CTSB: variants seen among roughly 807,000 people sequenced by gnomAD.
CTSB encodes the protein APP secretase.
In CTSB, 57 loss-of-function variants were observed where a neutral mutation model predicts 44.3. That is an observed-to-expected ratio of 1.29 (90% CI 1.04 to 1.60). The LOEUF (loss-of-function observed/expected upper bound fraction) is 1.60. Among genes scored for constraint, CTSB ranks in the 40% most tolerant of loss-of-function variants. CTSB has a pLI of 0.00. For synonymous variants in CTSB, 320 were observed against 168.0 expected, an observed-to-expected ratio of 1.91 and a Z score of -7.00; for missense variants, 768 against 443.0, an observed-to-expected ratio of 1.73 and a Z score of -6.59.
Position 11,843,758 on chromosome 8 carries a change from C to T in CTSB, c.*1367G>A, listed in dbSNP as rs1376213096. The T allele has an allele frequency of 1.3e-5, 2 of 152,214 alleles. No homozygotes were observed. The highest frequency in any genetic ancestry group is 2.9e-5 in the Non-Finnish European group (2 of 68,062). 9.4% of individuals were successfully genotyped at this position (152,214 alleles called of 1,614,324 possible). A position where few individuals can be genotyped will look rare whatever the true frequency, so the allele number is the denominator to read the frequency against. On this transcript the variant is annotated 3_prime_UTR_variant, in exon 10 of 10. Transcript: ENST00000353047. ...GCTGATAAAAAATACAGGCAGGGCC[C>T]AGTGGCTCACGCCTGTAATCCCAAC...
At chr8:11,858,295 G>GT (rs927307247) in intron 1 of CTSB, among the ~76,000 whole-genome samples, 5 of 151,924 alleles carry the variant, frequency 3.3e-5, no homozygotes, top group South Asian at 2.1e-4. Context: ...AAACAAGTTT[G>GT]TTTTTTTTGT....
intron 1 of CTSB, among the ~76,000 whole-genome samples, chr8:11,866,967 A>G (rs1032726035): frequency 6.6e-6 from 1 of 152,140 alleles, no homozygotes; most frequent in African/African-American, 2.4e-5. Flanking sequence ...CCAGGCTACA[A>G]AAAGGTGCCA....
At chr8:11,863,969 T>G (rs781393633) in intron 1 of CTSB, among the ~76,000 whole-genome samples, 19 of 152,096 alleles carry the variant, frequency 1.2e-4, no homozygotes, top group Non-Finnish European at 2.5e-4. Flanking sequence ...ACACAGGATA[T>G]TTATTGTAGC....
intron 1 of CTSB, chr8:11,864,480 G>C (rs184502084): frequency 5.6e-4 from 85 of 152,130 alleles, no homozygotes; most frequent in African/African-American, 1.9e-3. Flanking sequence ...GACAAAGCAA[G>C]ACCCTGTCAT....
At position 11,842,660 on chromosome 8, in the gene CTSB, C is replaced by T. The variant is rs1395072226; in HGVS notation, c.*2465G>A. 1.3e-5 allele frequency: 2 copies of T among 151,502 alleles called. No individual in the cohort carries two copies. Among genetic ancestry groups the T allele is most frequent in the African/African-American group, 2.4e-5 (1 of 41,238 alleles). The allele number at this position is 151,502 out of a possible 1,614,324, so 9.4% of individuals were successfully genotyped here. A position where few individuals can be genotyped will look rare whatever the true frequency, so the allele number is the denominator to read the frequency against. ...TTTTCTTTTTTTTTTTGGTGAGACA[C>T]AGATTCACTCTTGTCCCCCAGGCTG... On this transcript the variant is annotated 3_prime_UTR_variant, in exon 10 of 10. Transcript: ENST00000353047.
At chr8:11,867,519 G>A (rs1476609945) in intron 1 of CTSB, 1 of 152,280 alleles carries the variant, frequency 6.6e-6, no homozygotes, top group Non-Finnish European at 1.5e-5. Flanking sequence ...AAGTTGGCCA[G>A]GCAAATCCTT....
rs752784329 is a variant in CTSB at position 11,845,792 on chromosome 8, G to GA, written c.794-4dup. On this transcript the variant is annotated splice_polypyrimidine_tract_variant and splice_region_variant and intron_variant, in intron 8 of 9. Transcript: ENST00000353047. ...TCCGGTGACGTGTTGGTACACTCCT[G>GA]AAAAGGGAAGAACTGGCTGAGACCG... is the stretch of plus-strand genomic sequence containing the variant. 1.2e-6 allele frequency: 2 copies of GA among 1,610,800 alleles called. No homozygotes were observed. The highest frequency in any genetic ancestry group is 4.5e-5 in the East Asian group (2 of 44,728).
At chr8:11,845,849 C>A (rs964748011) in intron 8 of CTSB, 60 bp from the exon 9 acceptor site, 11 of 1,511,840 alleles carry the variant, frequency 7.3e-6, no homozygotes, top group South Asian at 3.9e-5. Context: ...CCCCACAGCA[C>A]CCCCCACACT....
intron 8 of CTSB, among the ~76,000 whole-genome samples, chr8:11,846,726 G>A (rs1813418411): frequency 6.6e-6 from 1 of 152,238 alleles, no homozygotes; most frequent in African/African-American, 2.4e-5. Context: ...GAAGGCGAGG[G>A]CAGGCGTGGC....
At chr8:11,850,485 TTC>T (rs544464810) in intron 4 of CTSB, 129 of 158,258 alleles carry the variant, frequency 8.2e-4, no homozygotes, top group African/African-American at 2.8e-3. Context: ...ATTATTACAT[TTC>T]TGTTACGTGT....
intron 4 of CTSB, 53 bp from the exon 5 acceptor site, chr8:11,849,217 T>C: frequency 6.7e-7 from 1 of 1,483,980 alleles, no homozygotes; most frequent in Non-Finnish European, 9.4e-7. Context: ...CTGGGCCCTC[T>C]GCAGCAGTCC....
intron 1 of CTSB, among the ~76,000 whole-genome samples, chr8:11,863,671 T>C (rs1816729283): frequency 6.6e-6 from 1 of 152,120 alleles, no homozygotes; most frequent in Non-Finnish European, 1.5e-5. Flanking sequence ...CATAAGTGGG[T>C]TACTGTTGTC....
intron 1 of CTSB, among the ~76,000 whole-genome samples, chr8:11,855,912 G>T (rs1055544915): frequency 6.6e-6 from 1 of 152,180 alleles, no homozygotes; most frequent in Middle Eastern, 3.4e-3. Flanking sequence ...CAGCTACTTG[G>T]GAGGCTGAGA....
intron 2 of CTSB, 79 bp from the exon 3 acceptor site, chr8:11,852,774 A>C (rs780045174): frequency 6.3e-5 from 87 of 1,376,546 alleles, no homozygotes; most frequent in Non-Finnish European, 8.8e-5. Flanking sequence ...ACGAAGCCCA[A>C]CCCAGGGAAA....
Position 11,843,092 on chromosome 8 carries a change from G to C in CTSB, c.*2033C>G, listed in dbSNP as rs1041076794. 1.3e-5 allele frequency: 2 copies of C among 152,300 alleles called. No homozygotes were observed. Among genetic ancestry groups the C allele is most frequent in the African/African-American group, 2.4e-5 (1 of 41,398 alleles). 9.4% of individuals were successfully genotyped at this position (152,300 alleles called of 1,614,324 possible). A position where few individuals can be genotyped will look rare whatever the true frequency, so the allele number is the denominator to read the frequency against. ...GCCTCCCAAGTAGCTGGGATTACAG[G>C]CATGTGCCACCATGCCCAGCTAATT... On this transcript the variant is annotated 3_prime_UTR_variant, in exon 10 of 10. Transcript: ENST00000353047.
chr8:11,851,119 T>G, intron 3 of CTSB, 139 bp from the exon 4 acceptor site: 1 of 463,978 alleles, frequency 2.2e-6, no homozygotes, highest in South Asian at 2.8e-5. Flanking sequence ...TGCAGACAGG[T>G]GTCCTTGGTA....
intron 5 of CTSB, chr8:11,848,745 GA>G (rs1813946290): frequency 2.2e-5 from 7 of 319,632 alleles, no homozygotes; most frequent in Non-Finnish European, 3.7e-5. Flanking sequence ...CCCCAAGCAG[GA>G]AAAAGGAACA....
In CTSB at chr8:11,845,143, C is replaced by T; in HGVS notation, c.1002G>A (p.Gln334=). ...CGGCAGATTAGATCTTTTCCCAGTA[C>T]TGATCGGTGCGTGGAATTCCAGCCA... is the stretch of plus-strand genomic sequence containing the variant. The part of the protein sequence containing the change: ...EVVAGIPRTD[Q]YWEKI Residue 334 remains glutamine (Q), a synonymous_variant, in exon 10 of 10, where the codon CAG becomes CAA. Transcript: ENST00000353047. The T allele has an allele frequency of 1.2e-6, 2 of 1,613,490 alleles. No individual in the cohort carries two copies. Among genetic ancestry groups the T allele is most frequent in the Non-Finnish European group, 1.7e-6 (2 of 1,179,396 alleles).
chr8:11,848,220 T>C (rs1270958526), intron 5 of CTSB, 68 bp from the exon 6 acceptor site: 3 of 1,439,962 alleles, frequency 2.1e-6, no homozygotes, highest in South Asian at 1.1e-5. Context: ...CACTGTGTGC[T>C]ACCCAAGTGC....
Sources: allele counts gnomAD v4.1 joint callset (sites outside exome capture counted in the v4.1 genomes callset), GRCh38; gene constraint gnomAD v4.1.1; transcripts MANE v1.5; gene names NCBI Gene and HGNC (gene_info 2026-07-23, HGNC 2026-07-21).